ZFAND3: variants seen among roughly 807,000 people sequenced by gnomAD.
ZFAND3 encodes the protein AN1-type zinc finger protein 3.
ZFAND3 carries 10 observed loss-of-function variants against 29.6 expected under a neutral mutation model. That is an observed-to-expected ratio of 0.34 (90% confidence interval 0.21 to 0.57). The LOEUF (loss-of-function observed/expected upper bound fraction) is 0.57. Among genes scored for constraint, ZFAND3 ranks in the 20% least tolerant of loss-of-function variants. The pLI, the probability that ZFAND3 is intolerant of heterozygous loss-of-function variation, is 0.86. For missense variants in ZFAND3, 230 were observed against 304.5 expected (o/e 0.76, Z 1.82); for synonymous variants, 128 against 112.6 (o/e 1.14, Z -0.87).
intron 2 of ZFAND3, among the ~76,000 whole-genome samples, chr6:37,992,439 C>G (rs1270461187): frequency 6.6e-6 from 1 of 152,158 alleles, no homozygotes; most frequent in African/African-American, 2.4e-5. Flanking sequence ...AACACTAGAA[C>G]AGTGAATTCC....
chr6:37,912,028 A>ATGTG, intron 1 of ZFAND3, among the ~76,000 whole-genome samples: 1 of 81,206 alleles, frequency 1.2e-5, no homozygotes, highest in African/African-American at 5.2e-5. Flanking sequence ...CCAGTCTTTT[A>ATGTG]TCTGTGTGTG....
intron 1 of ZFAND3, among the ~76,000 whole-genome samples, chr6:37,908,542 T>TAAAAAAAAAAAAAAAAAAAAAAA (rs70981504): frequency 2.4e-5 from 3 of 124,130 alleles, no homozygotes; most frequent in Non-Finnish European, 5.0e-5. Context: ...AAAAAAAAAT[T>TAAAAAAAAAAAAAAAAAAAAAAA]AAAAAAAAAA....
intron 5 of ZFAND3, among the ~76,000 whole-genome samples, chr6:38,149,618 C>T (rs1766181704): frequency 6.6e-6 from 1 of 152,130 alleles, no homozygotes; most frequent in South Asian, 2.1e-4. Context: ...CTCCCTGTTC[C>T]TTTTTCCAGA....
At chr6:38,076,916 A>G (rs1764565935) in intron 3 of ZFAND3, among the ~76,000 whole-genome samples, 1 of 152,204 alleles carries the variant, frequency 6.6e-6, no homozygotes, top group African/African-American at 2.4e-5. Flanking sequence ...CCTGATACAC[A>G]TTAAATACTG....
intron 4 of ZFAND3, among the ~76,000 whole-genome samples, chr6:38,106,110 A>G (rs1765203213): frequency 6.6e-6 from 1 of 152,092 alleles, no homozygotes; most frequent in Non-Finnish European, 1.5e-5. Context: ...TTTTTGGTAA[A>G]GAGAAGAAGG....
At chr6:38,057,741 TGTA>T (rs557230856) in intron 2 of ZFAND3, among the ~76,000 whole-genome samples, 172 of 152,196 alleles carry the variant, frequency 1.1e-3, no homozygotes, top group Non-Finnish European at 1.8e-3. Flanking sequence ...TCTGGTGAGT[TGTA>T]GTAATTTTCT....
chr6:37,951,664 A>C (rs1329784959), intron 2 of ZFAND3, among the ~76,000 whole-genome samples: 2 of 152,172 alleles, frequency 1.3e-5, no homozygotes, highest in South Asian at 2.1e-4. Flanking sequence ...TTCTCTCTTC[A>C]TATTTGGATG....
chr6:37,948,357 G>T (rs1174658003), intron 2 of ZFAND3, among the ~76,000 whole-genome samples: 1 of 152,120 alleles, frequency 6.6e-6, no homozygotes, highest in African/African-American at 2.4e-5. Context: ...CTTTTTAATT[G>T]CAGATAATGT....
intron 4 of ZFAND3, among the ~76,000 whole-genome samples, chr6:38,106,065 T>C (rs1016882759): frequency 6.6e-6 from 1 of 152,184 alleles, no homozygotes; most frequent in Non-Finnish European, 1.5e-5. Flanking sequence ...GGGCCTTTGC[T>C]TCCCAGACTG....
intron 1 of ZFAND3, among the ~76,000 whole-genome samples, chr6:37,888,677 C>T (rs923791458): frequency 1.3e-5 from 2 of 152,026 alleles, no homozygotes; most frequent in Non-Finnish European, 2.9e-5. Context: ...TTACTATTTG[C>T]GGAAAGGTTA....
chr6:38,132,044 G>T (rs1388821222), intron 5 of ZFAND3, among the ~76,000 whole-genome samples: 4 of 152,206 alleles, frequency 2.6e-5, no homozygotes, highest in Admixed American at 2.6e-4. Flanking sequence ...ATTGGTAGAG[G>T]AAGAAAATAA....
chr6:37,855,145 A>ATTT (rs1181032862), intron 1 of ZFAND3, among the ~76,000 whole-genome samples: 2 of 133,002 alleles, frequency 1.5e-5, no homozygotes, highest in African/African-American at 2.8e-5. Flanking sequence ...TGGCAATTTA[A>ATTT]TTTTTTTTTT....
intron 1 of ZFAND3, among the ~76,000 whole-genome samples, chr6:37,830,619 G>A (rs1228181632): frequency 1.3e-5 from 2 of 152,178 alleles, no homozygotes; most frequent in African/African-American, 4.8e-5. Context: ...TACCTTCTTA[G>A]CCAGTTAAAG....
intron 2 of ZFAND3, among the ~76,000 whole-genome samples, chr6:38,004,117 G>T (rs937204113): frequency 1.3e-5 from 2 of 152,196 alleles, no homozygotes; most frequent in Admixed American, 6.5e-5. Flanking sequence ...TAGGAGTCCT[G>T]TATTTTAAAA....
At position 37,888,726 on chromosome 6, in the gene ZFAND3, A is replaced by T. The variant is rs551609179; in HGVS notation, c.72-41233A>T. ...TGAGGATATAAGAAGACTTGTATAG[A>T]TCTCTTTCTCTTTGATGTTGCTGAG... On this transcript the variant is annotated intron_variant, in intron 1 of 5. Transcript: ENST00000287218. 9.8e-5 allele frequency among the ~76,000 whole-genome samples: 15 copies of T among 152,318 alleles called. No individual in the cohort carries two copies. In the South Asian group the frequency reaches 2.3e-3, roughly 23 times the overall value.
chr6:37,867,585 A>T (rs987778384), intron 1 of ZFAND3, among the ~76,000 whole-genome samples: 7 of 152,060 alleles, frequency 4.6e-5, no homozygotes, highest in East Asian at 3.9e-4. Flanking sequence ...GGGTTTAAAA[A>T]TTTTTCATTC....
intron 5 of ZFAND3, among the ~76,000 whole-genome samples, chr6:38,136,065 G>T (rs1339749527): frequency 6.6e-6 from 1 of 152,206 alleles, no homozygotes; most frequent in African/African-American, 2.4e-5. Context: ...CAAAAATGGA[G>T]GTGTGATGGT....
At chr6:37,821,487 CATT>C (rs1235933660) in intron 1 of ZFAND3, among the ~76,000 whole-genome samples, 1 of 152,162 alleles carries the variant, frequency 6.6e-6, no homozygotes, top group Non-Finnish European at 1.5e-5. Context: ...ACCATTATCT[CATT>C]ATTAGCTGGG....
At chr6:37,989,590 G>A (rs915084856) in intron 2 of ZFAND3, among the ~76,000 whole-genome samples, 1 of 152,080 alleles carries the variant, frequency 6.6e-6, no homozygotes, top group African/African-American at 2.4e-5. Context: ...TTTAACATAC[G>A]AATTTTGGGG....
Sources: gnomAD v4.1 joint callset for allele counts (sites outside exome capture counted in the v4.1 genomes callset) on GRCh38, gnomAD v4.1.1 for gene constraint, MANE v1.5 for transcripts, NCBI Gene and HGNC (gene_info 2026-07-23, HGNC 2026-07-21) for gene names.